EXOC4: variants seen among roughly 807,000 people sequenced by gnomAD.
EXOC4 encodes SEC8-like 1.
A neutral mutation model predicts 107.2 loss-of-function variants in EXOC4; 71 were observed. That is an observed-to-expected ratio of 0.66 (90% confidence interval 0.55 to 0.81). The LOEUF is 0.81. EXOC4 is among the 30% of genes least tolerant of loss of function. The pLI, the probability that EXOC4 is intolerant of heterozygous loss-of-function variation, is 0.00. For synonymous variants in EXOC4, 456 were observed against 441.2 expected, an observed-to-expected ratio of 1.03 and a Z score of -0.42; for missense variants, 1,108 against 1,189.6, an observed-to-expected ratio of 0.93 and a Z score of 1.01.
At chr7:133,931,772 G>T (rs1800181760) in intron 13 of EXOC4, among the ~76,000 whole-genome samples, 1 of 152,140 alleles carries the variant, frequency 6.6e-6, no homozygotes, top group Non-Finnish European at 1.5e-5. Context: ...CTGGTGTTCT[G>T]CTACCAACCC....
At chr7:133,703,710 A>G (rs943269539) in intron 10 of EXOC4, among the ~76,000 whole-genome samples, 2 of 152,186 alleles carry the variant, frequency 1.3e-5, no homozygotes, top group African/African-American at 4.8e-5. Flanking sequence ...AGAACATCCC[A>G]ACACAGCTGT....
At chr7:133,667,757 T>A (rs1011423778) in intron 10 of EXOC4, among the ~76,000 whole-genome samples, 1 of 152,234 alleles carries the variant, frequency 6.6e-6, no homozygotes, top group Non-Finnish European at 1.5e-5. Flanking sequence ...GAATTTTCGC[T>A]GTATTTCCAG....
chr7:133,973,778 G>C (rs1172218852), intron 14 of EXOC4, among the ~76,000 whole-genome samples: 1 of 152,176 alleles, frequency 6.6e-6, no homozygotes. Context: ...GTCTTAGTCT[G>C]TTTTGTGCTG....
chr7:134,001,099 C>A (rs563219287), intron 15 of EXOC4, among the ~76,000 whole-genome samples: 49 of 152,126 alleles, frequency 3.2e-4, no homozygotes, highest in Non-Finnish European at 6.2e-4. Flanking sequence ...AAGCATAAAG[C>A]AAATGATACC....
intron 10 of EXOC4, among the ~76,000 whole-genome samples, chr7:133,778,275 G>T (rs1011726083): frequency 6.6e-6 from 1 of 152,130 alleles, no homozygotes; most frequent in Non-Finnish European, 1.5e-5. Flanking sequence ...CTTTGAACAG[G>T]ACTCAGTCTG....
intron 7 of EXOC4, among the ~76,000 whole-genome samples, chr7:133,400,338 T>C (rs1541717): frequency 0.99 from 150,811 of 152,316 alleles, 74,676 homozygotes; most frequent in Middle Eastern, 1. Flanking sequence ...ATTTATCAGT[T>C]GCCTACTCTA....
intron 9 of EXOC4, among the ~76,000 whole-genome samples, chr7:133,512,634 G>T (rs772782260): frequency 6.6e-6 from 1 of 152,004 alleles, no homozygotes; most frequent in African/African-American, 2.4e-5. Flanking sequence ...AGAAGGTAGC[G>T]TAGTGAGGGA....
chr7:133,686,837 T>A (rs1794308250), intron 10 of EXOC4, among the ~76,000 whole-genome samples: 1 of 152,156 alleles, frequency 6.6e-6, no homozygotes, highest in Non-Finnish European at 1.5e-5. Flanking sequence ...TACCTTTTGA[T>A]CCAGCAATCC....
intron 9 of EXOC4, among the ~76,000 whole-genome samples, chr7:133,558,179 T>G (rs1327408769): frequency 6.7e-6 from 1 of 149,108 alleles, no homozygotes; most frequent in Non-Finnish European, 1.5e-5. Flanking sequence ...AGCTGGTATT[T>G]TGGTTCCTTC....
At chr7:134,046,073 C>T (rs1413148877) in intron 17 of EXOC4, among the ~76,000 whole-genome samples, 3 of 152,072 alleles carry the variant, frequency 2.0e-5, no homozygotes, top group African/African-American at 7.2e-5. Context: ...GTGTTTATAT[C>T]GAAGTATGGC....
chr7:133,618,090 A>G (rs1248740897), intron 9 of EXOC4, among the ~76,000 whole-genome samples: 1 of 152,178 alleles, frequency 6.6e-6, no homozygotes, highest in Non-Finnish European at 1.5e-5. Flanking sequence ...TGTAATTATC[A>G]GACACATGAT....
intron 7 of EXOC4, among the ~76,000 whole-genome samples, chr7:133,419,901 G>C (rs1797562765): frequency 6.6e-6 from 1 of 151,754 alleles, no homozygotes; most frequent in African/African-American, 2.4e-5. Flanking sequence ...CCATGCTGCA[G>C]TCAAGGTGTT....
At chr7:133,561,663 C>G (rs903280982) in intron 9 of EXOC4, among the ~76,000 whole-genome samples, 1 of 152,194 alleles carries the variant, frequency 6.6e-6, no homozygotes, top group Non-Finnish European at 1.5e-5. Context: ...TGGAGGGCCC[C>G]ACTGTCTGTG....
intron 15 of EXOC4, among the ~76,000 whole-genome samples, chr7:134,003,771 G>A (rs1794580969): frequency 6.6e-6 from 1 of 151,814 alleles, no homozygotes; most frequent in Non-Finnish European, 1.5e-5. Context: ...TACGGTGGGG[G>A]ATTCAAAACA....
chr7:133,302,066 CTT>C (rs755432135), intron 3 of EXOC4, among the ~76,000 whole-genome samples: 1 of 151,968 alleles, frequency 6.6e-6, no homozygotes, highest in African/African-American at 2.4e-5. Flanking sequence ...TTGTTGTAGA[CTT>C]ATATCTCAAC....
chr7:133,568,866 T>C (rs1477310892), intron 9 of EXOC4, among the ~76,000 whole-genome samples: 1 of 152,150 alleles, frequency 6.6e-6, no homozygotes, highest in East Asian at 1.9e-4. Context: ...TTTAGTTTTA[T>C]GAAACTGAAG....
chr7:133,973,478 G>A (rs1793750137), intron 14 of EXOC4, among the ~76,000 whole-genome samples: 1 of 152,126 alleles, frequency 6.6e-6, no homozygotes, highest in African/African-American at 2.4e-5. Context: ...AATATGGTGA[G>A]TTCAGAGTAA....
chr7:133,815,324 G>A (rs989428801), intron 10 of EXOC4, among the ~76,000 whole-genome samples: 89 of 146,540 alleles, frequency 6.1e-4, no homozygotes, highest in African/African-American at 2.1e-3. Flanking sequence ...GAGGTGAGCC[G>A]AGATCGTACC....
chr7:133,624,436 A>G (rs1191306132), intron 9 of EXOC4, among the ~76,000 whole-genome samples: 2 of 152,090 alleles, frequency 1.3e-5, no homozygotes, highest in Non-Finnish European at 2.9e-5. Context: ...ATAAAAGATG[A>G]ACCAGGTATG....
Sources: gnomAD v4.1 joint callset for allele counts (sites outside exome capture counted in the v4.1 genomes callset) on GRCh38, gnomAD v4.1.1 for gene constraint, MANE v1.5 for transcripts, NCBI Gene and HGNC (gene_info 2026-07-23, HGNC 2026-07-21) for gene names.